The following NRG3 variants were observed in gnomAD, a reference collection of about 807,000 sequenced individuals.
NRG3 encodes neuregulin 3.
NRG3 carries 31 observed loss-of-function variants against 66.9 expected under a neutral mutation model. The observed-to-expected ratio is 0.46, with a 90% CI of 0.35 to 0.63. The LOEUF (loss-of-function observed/expected upper bound fraction) is 0.63. Among genes scored for constraint, NRG3 ranks in the 20% least tolerant of loss-of-function variants. The pLI is 0.00. For missense variants in NRG3, 910 were observed against 878.9 expected, an observed-to-expected ratio of 1.04 and a Z score of -0.45; for synonymous variants, 393 against 359.4, an observed-to-expected ratio of 1.09 and a Z score of -1.06.
Position 82,432,494 on chromosome 10 carries a change from C to T in NRG3, c.953+73626C>T, listed in dbSNP as rs1590107911. On this transcript the variant is annotated intron_variant, in intron 2 of 8. Transcript: ENST00000372141. ...ACCACATTTTTTTTCTGTATTTCTT[C>T]TAAAAAAAAAAAAAAAAAAACAGGA... Among the ~76,000 whole-genome samples the T allele has an allele frequency of 7.5e-5, 9 of 120,794 alleles. No homozygotes were observed. In the South Asian group the frequency reaches 2.1e-3, roughly 28 times the overall value. The allele number at this position is 120,794 out of a possible 152,430, so 79.2% of individuals were successfully genotyped here.
intron 1 of NRG3, among the ~76,000 whole-genome samples, chr10:82,209,590 G>A (rs2075297553): frequency 6.6e-6 from 1 of 152,152 alleles, no homozygotes; most frequent in Non-Finnish European, 1.5e-5. Context: ...AACAGCACAA[G>A]ATGAGGTCTG....
chr10:82,820,265 T>C (rs866468261), intron 3 of NRG3, among the ~76,000 whole-genome samples: 16 of 152,344 alleles, frequency 1.1e-4, no homozygotes, highest in South Asian at 1.0e-3. Flanking sequence ...TCTGTGAATC[T>C]CTGTGGCTCA....
intron 2 of NRG3, among the ~76,000 whole-genome samples, chr10:82,676,847 T>A (rs1213902849): frequency 6.6e-6 from 1 of 152,008 alleles, no homozygotes; most frequent in African/African-American, 2.4e-5. Context: ...TTTTTTTTTC[T>A]ATTGTAGTTT....
chr10:82,469,223 C>T (rs749124595), intron 2 of NRG3, among the ~76,000 whole-genome samples: 18 of 152,150 alleles, frequency 1.2e-4, no homozygotes, highest in South Asian at 2.1e-4. Flanking sequence ...CCCTTCCTTC[C>T]GCTTTCCTTC....
chr10:82,668,031 C>T (rs1157635377), intron 2 of NRG3, among the ~76,000 whole-genome samples: 1 of 152,126 alleles, frequency 6.6e-6, no homozygotes, highest in Non-Finnish European at 1.5e-5. Context: ...TTTTCAATAT[C>T]AAGGAAGTGA....
chr10:82,256,616 T>A (rs74601982), intron 1 of NRG3, among the ~76,000 whole-genome samples: 3 of 152,310 alleles, frequency 2.0e-5, no homozygotes, highest in South Asian at 4.1e-4. Flanking sequence ...TCTTGTGGGA[T>A]AACTATGGGA....
intron 1 of NRG3, among the ~76,000 whole-genome samples, chr10:82,290,051 G>A (rs898596199): frequency 6.6e-6 from 1 of 152,160 alleles, no homozygotes; most frequent in African/African-American, 2.4e-5. Flanking sequence ...TTATCACCTA[G>A]GCTTTAATCT....
rs561100715 is a variant in NRG3, at chr10:81,895,927, TG to T, written c.823+19769del. The stretch of plus-strand genomic sequence containing the variant: ...GAGGAGTGTTTAGATATGTGGGAAC[TG>T]GGGGCACATTGAAATCATTACTAGA... On this transcript the variant is annotated intron_variant, in intron 1 of 8. Coordinates refer to ENST00000372141, the MANE Select transcript of NRG3 (RefSeq NM_001010848.4). Among the ~76,000 whole-genome samples, 716 of 152,284 alleles carry T rather than the reference TG, an allele frequency of 4.7e-3. 8 individuals are homozygous for T. The highest frequency in any genetic ancestry group is 0.016 in the African/African-American group (684 of 41,570).
chr10:82,712,050 G>A (rs2056701948), intron 2 of NRG3, among the ~76,000 whole-genome samples: 1 of 152,068 alleles, frequency 6.6e-6, no homozygotes, highest in Admixed American at 6.6e-5. Flanking sequence ...GCTCCTTCAT[G>A]AAATTTTATA....
chr10:82,483,078 C>T (rs938631945), intron 2 of NRG3, among the ~76,000 whole-genome samples: 15 of 152,208 alleles, frequency 9.9e-5, no homozygotes, highest in Admixed American at 5.9e-4. Context: ...CCAGGAAAGG[C>T]AGGGCAGATG....
In NRG3 at chr10:81,948,646, A is replaced by G. The variant is rs1222038712; in HGVS notation, c.823+72483A>G. 5.9e-5 allele frequency among the ~76,000 whole-genome samples: 9 copies of G among 152,210 alleles called. 1 individual carries two copies. The highest frequency in any genetic ancestry group is 5.9e-4 in the Admixed American group (9 of 15,266). ...ATGCTGGAGGTACAAAGGAAAGGCC[A>G]GGCTGTGAATCCTAACACTAGCACT... On this transcript the variant is annotated intron_variant, in intron 1 of 8. Transcript: ENST00000372141.
In NRG3 at chr10:82,349,119, C is replaced by A. The variant is rs1054287334; in HGVS notation, c.824-9620C>A. ...TTCGTTGCTGGTGAGGAACTGCGTT[C>A]CTTTGGAGGAGGAGAGGCGCTCTGC... On this transcript the variant is annotated intron_variant, in intron 1 of 8. Transcript: ENST00000372141. Among the ~76,000 whole-genome samples the A allele has an allele frequency of 1.2e-3, 184 of 152,194 alleles. 1 individual carries two copies. The highest frequency in any genetic ancestry group is 3.5e-3 in the African/African-American group (144 of 41,530).
At chr10:82,786,967 C>T (rs2060393503) in intron 3 of NRG3, among the ~76,000 whole-genome samples, 1 of 152,106 alleles carries the variant, frequency 6.6e-6, no homozygotes, top group Admixed American at 6.6e-5. Flanking sequence ...ATGTGGGCCC[C>T]TTGACCTTCG....
rs1053029245 is a variant in NRG3 at position 82,228,981 on chromosome 10, G to C, written c.824-129758G>C. The stretch of plus-strand genomic sequence containing the variant: ...GCAAGCTTCAAGGGAAACTCCTTCG[G>C]AAGCAGTCCTGAGTGACATCTCTCT... On this transcript the variant is annotated intron_variant, in intron 1 of 8. Coordinates refer to ENST00000372141, the MANE Select transcript of NRG3 (RefSeq NM_001010848.4). 33 of 152,390 alleles carry C rather than the reference G, an allele frequency of 2.2e-4. No homozygotes were observed. The East Asian group carries it at 6.4e-3, about 29-fold the overall frequency. The allele number at this position is 152,390 out of a possible 1,614,324, so 9.4% of individuals were successfully genotyped here. A position where few individuals can be genotyped will look rare whatever the true frequency, so the allele number is the denominator to read the frequency against.
chr10:82,223,371 A>G lies in NRG3; in HGVS notation c.824-135368A>G, dbSNP rs191534598. On this transcript the variant is annotated intron_variant, in intron 1 of 8. Coordinates refer to ENST00000372141, the MANE Select transcript of NRG3 (RefSeq NM_001010848.4). ...ATATCACAAGACAGGCTGTCTGTTC[A>G]TATAGGTAATAGTCTGCACCCTAGA... 3.9e-5 allele frequency among the ~76,000 whole-genome samples: 6 copies of G among 152,190 alleles called. No individual in the cohort carries two copies. In the East Asian group the frequency reaches 1.2e-3, roughly 29 times the overall value.
At chr10:82,273,159 A>G (rs1445172193) in intron 1 of NRG3, among the ~76,000 whole-genome samples, 4 of 151,918 alleles carry the variant, frequency 2.6e-5, no homozygotes, top group African/African-American at 9.7e-5. Context: ...TATTTTTTCA[A>G]GAGCTGTACA....
intron 2 of NRG3, among the ~76,000 whole-genome samples, chr10:82,622,534 C>G (rs945047717): frequency 2.0e-5 from 3 of 152,104 alleles, no homozygotes; most frequent in Admixed American, 6.6e-5. Flanking sequence ...GTTTGACTTA[C>G]CATTTGTTGA....
At chr10:82,762,448 C>T (rs541043905) in intron 3 of NRG3, among the ~76,000 whole-genome samples, 1 of 152,168 alleles carries the variant, frequency 6.6e-6, no homozygotes, top group African/African-American at 2.4e-5. Context: ...AAAGCATAGG[C>T]CATACAATGC....
intron 1 of NRG3, among the ~76,000 whole-genome samples, chr10:81,975,317 C>A (rs1383264478): frequency 1.3e-4 from 1 of 7,470 alleles, no homozygotes; most frequent in East Asian, 2.0e-3. Context: ...TGTGTAACAT[C>A]TATCTATCTA....
Sources: allele counts gnomAD v4.1 joint callset (sites outside exome capture counted in the v4.1 genomes callset), GRCh38; gene constraint gnomAD v4.1.1; transcripts MANE v1.5; gene names NCBI Gene and HGNC (gene_info 2026-07-23, HGNC 2026-07-21).